The following PAM variants were observed in gnomAD, a reference collection of about 807,000 sequenced individuals.
PAM encodes the protein peptidylglycine alpha-amidating monooxygenase, also known as peptidyl-glycine alpha-amidating monooxygenase.
A neutral mutation model predicts 122.1 loss-of-function variants in PAM; 72 were observed. The observed-to-expected ratio is 0.59, with a 90% confidence interval of 0.49 to 0.72. The LOEUF is 0.72. PAM is among the 30% of genes least tolerant of loss of function. The pLI, the probability that PAM is intolerant of heterozygous loss-of-function variation, is 0.00. For missense variants in PAM, 1,106 were observed against 1,183.7 expected (o/e 0.93, Z 0.96); for synonymous variants, 389 against 404.4 (o/e 0.96, Z 0.46).
intron 1 of PAM, among the ~76,000 whole-genome samples, chr5:102,848,702 G>T (rs1467844026): frequency 1.3e-5 from 2 of 152,144 alleles, no homozygotes. Context: ...ACTAGAAAAT[G>T]GAGAGAGTTG....
At chr5:102,840,946 G>A (rs1778420967) in intron 1 of PAM, among the ~76,000 whole-genome samples, 1 of 152,150 alleles carries the variant, frequency 6.6e-6, no homozygotes, top group Non-Finnish European at 1.5e-5. Flanking sequence ...ATATTGCAAG[G>A]CAAGTGTCTG....
rs146058405 is a variant in PAM at position 102,833,432 on chromosome 5, A to C, written c.-373-32391A>C. On this transcript the variant is annotated intron_variant, in intron 1 of 25. Coordinates refer to ENST00000438793, the MANE Select transcript of PAM (RefSeq NM_001177306.2). The stretch of plus-strand genomic sequence containing the variant: ...AATAAGGATATACAGGAAACAGTTA[A>C]AATATAAAACTTATTACATGAAGGT... Among the ~76,000 whole-genome samples the C allele has an allele frequency of 8.1e-4, 124 of 152,314 alleles. 1 individual carries two copies. Among genetic ancestry groups the C allele is most frequent in the African/African-American group, 2.9e-3 (120 of 41,582 alleles).
intron 1 of PAM, among the ~76,000 whole-genome samples, chr5:102,853,264 A>G (rs1406954016): frequency 1.3e-5 from 2 of 152,216 alleles, no homozygotes; most frequent in African/African-American, 2.4e-5. Context: ...TTAGTGAAGC[A>G]TATTTCAGAT....
At chr5:102,868,829 A>C (rs1786430685) in intron 3 of PAM, among the ~76,000 whole-genome samples, 1 of 152,210 alleles carries the variant, frequency 6.6e-6, no homozygotes, top group Admixed American at 6.5e-5. Flanking sequence ...AAATTACTTA[A>C]CAATAATAAT....
intron 1 of PAM, among the ~76,000 whole-genome samples, chr5:102,817,318 A>G (rs759841872): frequency 8.5e-5 from 13 of 152,128 alleles, no homozygotes; most frequent in Non-Finnish European, 1.5e-4. Flanking sequence ...CTATCTCAAT[A>G]TGGTAGCCAC....
At chr5:102,815,306 C>T (rs989455354) in intron 1 of PAM, among the ~76,000 whole-genome samples, 4 of 151,750 alleles carry the variant, frequency 2.6e-5, no homozygotes, top group Non-Finnish European at 5.9e-5. Flanking sequence ...AACAGAGCAC[C>T]GAGATTGTGT....
rs1231924112 is a variant in PAM, at chr5:102,895,458, TGAATGGATGGGTAGAA to T, written c.211-5891_211-5876del. On this transcript the variant is annotated intron_variant, in intron 3 of 25. Transcript: ENST00000438793. Reference sequence around the variant, plus strand: ...TACTCATATATGTTTGCTAAGTGAATGAATGGATGGGTAGAAGAATGGCTTTCTGTGCAGCCATTGA... The same window carrying T: ...TACTCATATATGTTTGCTAAGTGAATGAATGGCTTTCTGTGCAGCCATTGA... Among the ~76,000 whole-genome samples the T allele has an allele frequency of 2.6e-5, 4 of 151,698 alleles. No homozygotes were observed. In the East Asian group the frequency reaches 7.8e-4, roughly 30 times the overall value.
rs538420745 is a variant in PAM, at chr5:102,944,335, G to A, written c.527-2502G>A. ...TGGGGTTCAGTTCTCTGTAAATACA[G>A]GACATTAGTAGCTAAAGGCCAGGTA... On this transcript the variant is annotated intron_variant, in intron 7 of 25. Transcript: ENST00000438793. 3.9e-5 allele frequency among the ~76,000 whole-genome samples: 6 copies of A among 152,124 alleles called. No homozygotes were observed. In the South Asian group the frequency reaches 1.2e-3, roughly 32 times the overall value.
intron 7 of PAM, among the ~76,000 whole-genome samples, chr5:102,940,069 G>A (rs537212930): frequency 6.6e-6 from 1 of 151,052 alleles, no homozygotes; most frequent in African/African-American, 2.4e-5. Context: ...CAAAATAGTT[G>A]AGAATTCCAA....
intron 23 of PAM, among the ~76,000 whole-genome samples, chr5:103,020,183 T>C (rs1783177683): frequency 6.6e-6 from 1 of 152,074 alleles, no homozygotes; most frequent in Admixed American, 6.6e-5. Context: ...TAAAAAAATA[T>C]GATTTGGCAT....
intron 14 of PAM, among the ~76,000 whole-genome samples, chr5:102,973,858 T>G (rs1458551282): frequency 6.6e-6 from 1 of 152,188 alleles, no homozygotes; most frequent in Non-Finnish European, 1.5e-5. Context: ...AAATGTGCCA[T>G]GCAATTACAT....
At chr5:102,904,953 A>T (rs1387786449) in intron 4 of PAM, among the ~76,000 whole-genome samples, 1 of 151,698 alleles carries the variant, frequency 6.6e-6, no homozygotes, top group African/African-American at 2.4e-5. Context: ...ACATATGAGC[A>T]TATAGCATGT....
chr5:103,006,755 TA>T (rs766203456), intron 18 of PAM, 45 bp from the exon 19 acceptor site: 2 of 1,387,366 alleles, frequency 1.4e-6, no homozygotes, highest in Non-Finnish European at 2.0e-6. Context: ...TGTAAGTCAC[TA>T]ATAACCATGA....
rs564649384 is a variant in PAM, at chr5:102,915,140, T to G, written c.356+1119T>G. 4.6e-5 allele frequency among the ~76,000 whole-genome samples: 7 copies of G among 152,188 alleles called. No individual in the cohort carries two copies. The South Asian group carries it at 8.3e-4, about 18-fold the overall frequency. ...TAGACCCAGAATCACTGTCACACAT[T>G]TAATAGTCCGAAATGACTGGTGTGC... On this transcript the variant is annotated intron_variant, in intron 5 of 25. Coordinates refer to ENST00000438793, the MANE Select transcript of PAM (RefSeq NM_001177306.2).
At chr5:102,889,749 T>TTA (rs1410816780) in intron 3 of PAM, among the ~76,000 whole-genome samples, 8 of 151,936 alleles carry the variant, frequency 5.3e-5, no homozygotes, top group Non-Finnish European at 1.2e-4. Context: ...GCCCTCCTCC[T>TTA]TAGCCCCCTT....
intron 14 of PAM, among the ~76,000 whole-genome samples, chr5:102,965,494 T>G (rs1763823378): frequency 6.6e-6 from 1 of 151,930 alleles, no homozygotes; most frequent in Admixed American, 6.6e-5. Context: ...TTGGGAAGAT[T>G]CAGTGTCTTA....
intron 12 of PAM, among the ~76,000 whole-genome samples, chr5:102,958,598 G>A (rs535204269): frequency 1.3e-5 from 2 of 152,018 alleles, no homozygotes; most frequent in African/African-American, 2.4e-5. Flanking sequence ...TATATTTCAC[G>A]GGAGAGGCAA....
Position 103,023,440 on chromosome 5 carries a change from T to C in PAM, c.2486-1691T>C, listed in dbSNP as rs137911997. ...ACTCCCATGATCTATTTATTGCAAT[T>C]TTCTTATTTAAATATAGAATAAGCT... On this transcript the variant is annotated intron_variant, in intron 23 of 25. Transcript: ENST00000438793. 9.3e-4 allele frequency among the ~76,000 whole-genome samples: 142 copies of C among 152,064 alleles called. 1 individual carries two copies. The highest frequency in any genetic ancestry group is 3.3e-3 in the African/African-American group (139 of 41,502).
In PAM at chr5:102,901,360, A is replaced by G; in HGVS notation, c.215A>G (p.Asp72Gly). Residue 72 changes from aspartate to glycine, a missense_variant, in exon 4 of 26, where the codon GAT becomes GGT. By Grantham distance (94) the Asp-to-Gly change is moderately conservative (BLOSUM62 -1). Transcript: ENST00000438793. ...RMPGVTPKQSDTYFCMSMRIP... is the reference protein window; with the variant it reads ...RMPGVTPKQSGTYFCMSMRIP... ...TTTTAATCTTTTTTTTAATAGTCCG[A>G]TACATACTTCTGCATGTCTATGCGA... The G allele has an allele frequency of 1.3e-6, 2 of 1,565,140 alleles. No individual in the cohort carries two copies. The highest frequency in any genetic ancestry group is 1.8e-6 in the Non-Finnish European group (2 of 1,137,204).
Sources: allele counts gnomAD v4.1 joint callset (sites outside exome capture counted in the v4.1 genomes callset), GRCh38; gene constraint gnomAD v4.1.1; transcripts MANE v1.5; gene names NCBI Gene and HGNC (gene_info 2026-07-23, HGNC 2026-07-21).